ARID2: variants seen among roughly 807,000 people sequenced by gnomAD.
The protein encoded by ARID2 is AT-rich interactive domain-containing protein 2.
A neutral mutation model predicts 184.6 loss-of-function variants in ARID2; 32 were observed. The observed-to-expected ratio is 0.17, with a 90% CI of 0.13 to 0.23. The LOEUF (loss-of-function observed/expected upper bound fraction) is 0.23. Ranked by LOEUF, ARID2 falls within the 10% of genes least tolerant of loss-of-function variation. The pLI is 1.00. For synonymous variants in ARID2, 836 were observed against 772.6 expected, an observed-to-expected ratio of 1.08 and a Z score of -1.36; for missense variants, 1,696 against 2,197.6, an observed-to-expected ratio of 0.77 and a Z score of 4.56.
intron 20 of ARID2, among the ~76,000 whole-genome samples, chr12:45,899,671 T>A (rs1397547853): frequency 6.6e-5 from 3 of 45,126 alleles, no homozygotes; most frequent in Non-Finnish European, 1.6e-4. Flanking sequence ...ATATATATGG[T>A]TATATATGGT....
chr12:45,775,444 A>G (rs147817818), intron 3 of ARID2, among the ~76,000 whole-genome samples: 2 of 152,308 alleles, frequency 1.3e-5, no homozygotes, highest in African/African-American at 4.8e-5. Flanking sequence ...CTCCATCTGA[A>G]TCCAGGTGAG....
chr12:45,754,184 A>ATTT (rs1941520196), intron 3 of ARID2, among the ~76,000 whole-genome samples: 1 of 152,206 alleles, frequency 6.6e-6, no homozygotes, highest in Non-Finnish European at 1.5e-5. Context: ...ATGCATAAGT[A>ATTT]ATAGTATCAG....
chr12:45,905,868 A>G lies in ARID2; in HGVS notation c.*790A>G, dbSNP rs1400026387. The G allele has an allele frequency of 4.3e-6, 1 of 232,478 alleles. No individual in the cohort carries two copies. Among genetic ancestry groups the G allele is most frequent in the Non-Finnish European group, 8.5e-6 (1 of 117,640 alleles). 14.4% of individuals were successfully genotyped at this position (232,478 alleles called of 1,614,324 possible). ...ATGAATGTTCTTTAAATTTGTGTAA[A>G]TACTTCTGCAAAGGTACTGATGCTG... On this transcript the variant is annotated 3_prime_UTR_variant, in exon 21 of 21. Transcript: ENST00000334344.
At chr12:45,822,330 C>T (rs530103888) in intron 6 of ARID2, among the ~76,000 whole-genome samples, 5 of 152,096 alleles carry the variant, frequency 3.3e-5, no homozygotes, top group African/African-American at 1.2e-4. Flanking sequence ...AGCAAGACCC[C>T]ATCCCTACAA....
At chr12:45,860,162 A>G (rs1943718592) in intron 15 of ARID2, among the ~76,000 whole-genome samples, 1 of 152,246 alleles carries the variant, frequency 6.6e-6, no homozygotes, top group Admixed American at 6.5e-5. Flanking sequence ...TTGAGATTAT[A>G]GTGAGCTATG....
intron 5 of ARID2, among the ~76,000 whole-genome samples, chr12:45,818,972 A>C (rs1427447855): frequency 6.6e-6 from 1 of 152,116 alleles, no homozygotes; most frequent in African/African-American, 2.4e-5. Flanking sequence ...TGAAGATATA[A>C]ATTTGATGGC....
chr12:45,837,311 C>T lies in ARID2; in HGVS notation c.1024-10C>T. 1 of 1,590,104 alleles carries T rather than the reference C, an allele frequency of 6.3e-7. No homozygotes were observed. Among genetic ancestry groups the T allele is most frequent in the Non-Finnish European group, 8.5e-7 (1 of 1,170,594 alleles). Reference sequence around the variant, plus strand: ...GCATAGCTCAATAATAGTGTTGTTTCTTTTTCCAGCTTTTACTGGACCCTG... The same window carrying T: ...GCATAGCTCAATAATAGTGTTGTTTTTTTTTCCAGCTTTTACTGGACCCTG... On this transcript the variant is annotated splice_polypyrimidine_tract_variant and intron_variant, in intron 8 of 20. Transcript: ENST00000334344.
intron 3 of ARID2, among the ~76,000 whole-genome samples, chr12:45,774,485 A>G (rs528568147): frequency 1.4e-4 from 21 of 152,224 alleles, no homozygotes; most frequent in African/African-American, 4.3e-4. Flanking sequence ...TGGTAGGTCA[A>G]CTTTTAGCAT....
At chr12:45,870,854 G>A (rs1036525536) in intron 16 of ARID2, among the ~76,000 whole-genome samples, 1 of 151,896 alleles carries the variant, frequency 6.6e-6, no homozygotes, top group Non-Finnish European at 1.5e-5. Flanking sequence ...TTATCCATTC[G>A]TCTATTGAAC....
chr12:45,881,904 C>A lies in ARID2; in HGVS notation c.4923-9876C>A. The A allele has an allele frequency of 1.5e-5, 3 of 205,778 alleles. No homozygotes were observed. The South Asian group carries it at 2.4e-4, about 16-fold the overall frequency. The allele number at this position is 205,778 out of a possible 1,614,324, so 12.7% of individuals were successfully genotyped here. ...TCTGGGATCTGGGGAGGTTTTCACC[C>A]CAGAGCCGTGGAACATGCCAGAGGT... is the stretch of plus-strand genomic sequence containing the variant. On this transcript the variant is annotated intron_variant, in intron 16 of 20. Coordinates refer to ENST00000334344, the MANE Select transcript of ARID2 (RefSeq NM_152641.4).
intron 3 of ARID2, among the ~76,000 whole-genome samples, chr12:45,771,721 C>T (rs1161866659): frequency 6.6e-6 from 1 of 151,268 alleles, no homozygotes; most frequent in Non-Finnish European, 1.5e-5. Context: ...GTCTTTGGGA[C>T]CATATACATT....
intron 3 of ARID2, among the ~76,000 whole-genome samples, chr12:45,745,864 A>G (rs1218802452): frequency 6.6e-6 from 1 of 152,108 alleles, no homozygotes; most frequent in Non-Finnish European, 1.5e-5. Context: ...TTATGTTAAG[A>G]TGATTCTGCT....
intron 2 of ARID2, among the ~76,000 whole-genome samples, 162 bp downstream of exon 2, chr12:45,730,299 T>C (rs1940956268): frequency 6.7e-6 from 1 of 149,362 alleles, no homozygotes; most frequent in South Asian, 2.1e-4. Context: ...GCGGCGGGGC[T>C]GTTTTTGGCC....
chr12:45,741,333 G>T (rs1156810710), intron 3 of ARID2, among the ~76,000 whole-genome samples: 1 of 152,092 alleles, frequency 6.6e-6, no homozygotes, highest in Non-Finnish European at 1.5e-5. Flanking sequence ...AAGTACCTGG[G>T]ACTACAGGCG....
intron 3 of ARID2, among the ~76,000 whole-genome samples, chr12:45,802,892 G>A (rs530682434): frequency 2.6e-5 from 4 of 152,214 alleles, no homozygotes; most frequent in African/African-American, 9.6e-5. Flanking sequence ...GTCTGCCTGT[G>A]AATGACATAA....
At chr12:45,770,510 T>G (rs1325552406) in intron 3 of ARID2, among the ~76,000 whole-genome samples, 1 of 152,170 alleles carries the variant, frequency 6.6e-6, no homozygotes, top group Non-Finnish European at 1.5e-5. Flanking sequence ...CCACATTCAG[T>G]GGTTCCCAAG....
At chr12:45,865,939 T>C (rs764929274) in intron 16 of ARID2, among the ~76,000 whole-genome samples, 1 of 152,178 alleles carries the variant, frequency 6.6e-6, no homozygotes, top group Non-Finnish European at 1.5e-5. Flanking sequence ...TTTAAAATTA[T>C]ATTTCTAGCT....
intron 16 of ARID2, 103 bp downstream of exon 16, chr12:45,861,052 A>G: frequency 4.4e-6 from 5 of 1,128,878 alleles, no homozygotes; most frequent in Non-Finnish European, 5.8e-6. Flanking sequence ...TTTCCTTTAG[A>G]ACCACTAACT....
chr12:45,800,210 T>G (rs965140576), intron 3 of ARID2, among the ~76,000 whole-genome samples: 2 of 151,906 alleles, frequency 1.3e-5, no homozygotes, highest in African/African-American at 4.8e-5. Flanking sequence ...TAAGTAATAA[T>G]AAAATTAAAT....
Sources: gnomAD v4.1 joint callset for allele counts (sites outside exome capture counted in the v4.1 genomes callset) on GRCh38, gnomAD v4.1.1 for gene constraint, MANE v1.5 for transcripts, NCBI Gene and HGNC (gene_info 2026-07-23, HGNC 2026-07-21) for gene names.